Variants in CNTN5 observed in about 807,000 individuals in gnomAD.
The protein encoded by CNTN5 is contactin-5.
Under a neutral mutation model 129.1 loss-of-function variants are expected in CNTN5, and 77 were observed. The ratio of observed to expected loss-of-function variants is 0.60; its 90% confidence interval spans 0.50 to 0.72. CNTN5 has a LOEUF of 0.72. Among genes scored for constraint, CNTN5 ranks in the 30% least tolerant of loss-of-function variants. CNTN5 has a pLI of 0.00. For missense variants in CNTN5, 1,478 were observed against 1,328.8 expected (o/e 1.11, Z -1.75); for synonymous variants, 509 against 465.6 (o/e 1.09, Z -1.20).
chr11:100,187,005 C>A (rs1948318453), intron 13 of CNTN5, among the ~76,000 whole-genome samples: 1 of 152,092 alleles, frequency 6.6e-6, no homozygotes, highest in Non-Finnish European at 1.5e-5. Context: ...AATGACACTG[C>A]CACTTAACAG....
intron 1 of CNTN5, among the ~76,000 whole-genome samples, chr11:99,095,956 G>T (rs1487114335): frequency 6.6e-6 from 1 of 151,644 alleles, no homozygotes; most frequent in Non-Finnish European, 1.5e-5. Context: ...TAAGTGCATT[G>T]GTTTTAAATA....
chr11:99,457,867 A>G (rs983715586), intron 2 of CNTN5, among the ~76,000 whole-genome samples: 3 of 151,772 alleles, frequency 2.0e-5, no homozygotes, highest in African/African-American at 7.2e-5. Context: ...CATGAACTCA[A>G]ATTTTCACTT....
chr11:99,690,738 G>T (rs1461455881), intron 3 of CNTN5, among the ~76,000 whole-genome samples: 2 of 151,978 alleles, frequency 1.3e-5, no homozygotes, highest in Admixed American at 1.3e-4. Context: ...TTATGTCTCT[G>T]CCAGGTTTGG....
intron 4 of CNTN5, among the ~76,000 whole-genome samples, chr11:99,820,820 T>C (rs1565570120): frequency 6.6e-6 from 1 of 152,206 alleles, no homozygotes; most frequent in Non-Finnish European, 1.5e-5. Flanking sequence ...TGCATTTCAT[T>C]TATGACTGAT....
intron 13 of CNTN5, among the ~76,000 whole-genome samples, chr11:100,131,954 G>T (rs925653925): frequency 6.6e-6 from 1 of 152,048 alleles, no homozygotes; most frequent in African/African-American, 2.4e-5. Flanking sequence ...CAAGGAGAAA[G>T]GTAGGGCGGG....
At chr11:99,580,165 T>A (rs1949522658) in intron 3 of CNTN5, among the ~76,000 whole-genome samples, 1 of 152,208 alleles carries the variant, frequency 6.6e-6, no homozygotes, top group South Asian at 2.1e-4. Flanking sequence ...CAGCCTTGCA[T>A]CCCAGGGATG....
chr11:99,782,587 G>T (rs1945351819), intron 3 of CNTN5, among the ~76,000 whole-genome samples: 1 of 151,126 alleles, frequency 6.6e-6, no homozygotes, highest in South Asian at 2.1e-4. Context: ...ATACTGCAAG[G>T]CTACAGTAAC....
At chr11:99,880,381 T>C (rs754774715) in intron 6 of CNTN5, among the ~76,000 whole-genome samples, 2 of 152,134 alleles carry the variant, frequency 1.3e-5, no homozygotes, top group Non-Finnish European at 2.9e-5. Context: ...ACTCATAGAA[T>C]CAGAAAAGTA....
chr11:99,178,251 C>A (rs1010983810), intron 1 of CNTN5, among the ~76,000 whole-genome samples: 1 of 147,224 alleles, frequency 6.8e-6, no homozygotes, highest in Non-Finnish European at 1.5e-5. Flanking sequence ...GAGGCCAAGG[C>A]AGGAGGATCA....
chr11:100,322,865 T>C (rs528763432), intron 21 of CNTN5, among the ~76,000 whole-genome samples: 6 of 152,172 alleles, frequency 3.9e-5, no homozygotes, highest in Non-Finnish European at 5.9e-5. Flanking sequence ...ATATCTGATA[T>C]ATAATATACA....
intron 20 of CNTN5, among the ~76,000 whole-genome samples, chr11:100,300,624 A>G (rs1052215270): frequency 6.6e-6 from 1 of 151,554 alleles, no homozygotes; most frequent in Admixed American, 6.6e-5. Flanking sequence ...AACAAAGATA[A>G]TGTTTGATTT....
At chr11:100,223,079 G>A (rs1005620542) in intron 15 of CNTN5, among the ~76,000 whole-genome samples, 1 of 152,126 alleles carries the variant, frequency 6.6e-6, no homozygotes, top group Non-Finnish European at 1.5e-5. Flanking sequence ...AAGAGAAGAT[G>A]AATTCAGTTA....
chr11:99,299,920 G>T (rs1591489540), intron 1 of CNTN5, among the ~76,000 whole-genome samples: 1 of 152,060 alleles, frequency 6.6e-6, no homozygotes, highest in Admixed American at 6.6e-5. Flanking sequence ...ACAGTAATGG[G>T]ATTACTTGAT....
At chr11:99,102,343 C>A (rs1160396470) in intron 1 of CNTN5, among the ~76,000 whole-genome samples, 1 of 152,196 alleles carries the variant, frequency 6.6e-6, no homozygotes, top group African/African-American at 2.4e-5. Context: ...CACCTCATTA[C>A]TTATGCAAAT....
chr11:99,673,933 A>G (rs1953159410), intron 3 of CNTN5, among the ~76,000 whole-genome samples: 1 of 152,090 alleles, frequency 6.6e-6, no homozygotes, highest in African/African-American at 2.4e-5. Context: ...GTGTTTTTAT[A>G]TTATAATAGA....
intron 2 of CNTN5, among the ~76,000 whole-genome samples, chr11:99,394,792 G>A (rs1941436450): frequency 2.6e-5 from 4 of 151,730 alleles, no homozygotes; most frequent in African/African-American, 9.7e-5. Flanking sequence ...ATAACATGTG[G>A]TATTCGGTTT....
At chr11:99,546,525 C>A (rs1948297787) in intron 2 of CNTN5, among the ~76,000 whole-genome samples, 1 of 152,106 alleles carries the variant, frequency 6.6e-6, no homozygotes, top group Admixed American at 6.6e-5. Context: ...ACCCTGCAGG[C>A]TATAACCCTT....
At chr11:100,103,030 C>A (rs185847426) in intron 13 of CNTN5, among the ~76,000 whole-genome samples, 1 of 152,146 alleles carries the variant, frequency 6.6e-6, no homozygotes. Context: ...TCTAAAATAA[C>A]GCACTTGGAC....
chr11:100,074,246 C>T lies in CNTN5; in HGVS notation c.1532C>T (p.Pro511Leu). The change falls in exon 13 of 25, where the codon CCA becomes CTA. Residue 511 changes from proline (P) to leucine (L), a missense_variant. Pro to Leu is a moderately conservative substitution (Grantham distance 98, BLOSUM62 -3). Coordinates refer to ENST00000524871, the MANE Select transcript of CNTN5 (RefSeq NM_014361.4). ...TGCAAACCCCAAGGCTCTCCAAAAC[C>T]AACCATCTCTTGGAAGAAAGGAGAC... ...IECKPQGSPK[P>L]TISWKKGDRA... 3 of 1,610,814 alleles carry T rather than the reference C, an allele frequency of 1.9e-6. No individual in the cohort carries two copies. The highest frequency in any genetic ancestry group is 8.5e-7 in the Non-Finnish European group (1 of 1,178,242).
Sources: allele counts gnomAD v4.1 joint callset (sites outside exome capture counted in the v4.1 genomes callset), GRCh38; gene constraint gnomAD v4.1.1; transcripts MANE v1.5; gene names NCBI Gene and HGNC (gene_info 2026-07-23, HGNC 2026-07-21).